The following KIF20B variants were observed in gnomAD, a reference collection of about 807,000 sequenced individuals.
KIF20B encodes the protein kinesin family member 20B, also known as kinesin-like protein KIF20B.
In KIF20B, 188 loss-of-function variants were observed where a neutral mutation model predicts 232.5. The observed-to-expected ratio is 0.81, with a 90% CI of 0.72 to 0.91. The LOEUF (loss-of-function observed/expected upper bound fraction) is 0.91, where lower values mean the gene tolerates loss of function less well. Ranked by LOEUF, KIF20B falls within the 40% of genes least tolerant of loss-of-function variation. The probability of loss-of-function intolerance (pLI) is 0.00; values close to 1 mark genes in which losing one functional copy is unlikely to be tolerated. For missense variants in KIF20B, 2,154 were observed against 2,055.9 expected (o/e 1.05, Z -0.92); for synonymous variants, 712 against 683.0 (o/e 1.04, Z -0.66).
intron 13 of KIF20B, among the ~76,000 whole-genome samples, chr10:89,720,576 A>T (rs1471018520): frequency 6.6e-6 from 1 of 152,246 alleles, no homozygotes; most frequent in Non-Finnish European, 1.5e-5. Context: ...ACAAGTGTTA[A>T]AAATATCTAC....
rs780022761 is a variant in KIF20B at position 89,758,738 on chromosome 10, T to C, written c.4536T>C (p.Asp1512=). ...EILTAQLTEK[D]SDLQKWREER... Reference sequence around the variant, plus strand: ...TGACAGCCCAGCTGACAGAGAAAGATAGTGACCTTCAAAAGTGGCGAGAAG... The same window carrying C: ...TGACAGCCCAGCTGACAGAGAAAGACAGTGACCTTCAAAAGTGGCGAGAAG... Residue 1512 remains aspartate, a synonymous_variant, in exon 27 of 33, where the codon GAT becomes GAC. Coordinates refer to ENST00000371728, the MANE Select transcript of KIF20B (RefSeq NM_001284259.2). The C allele has an allele frequency of 1.7e-5, 27 of 1,605,342 alleles. No individual in the cohort carries two copies. The highest frequency in any genetic ancestry group is 2.2e-5 in the Non-Finnish European group (26 of 1,176,322).
intron 22 of KIF20B, 50 bp from the exon 23 acceptor site, chr10:89,745,849 T>C (rs1841897935): frequency 8.2e-7 from 1 of 1,212,508 alleles, no homozygotes; most frequent in Admixed American, 1.7e-5. Context: ...CTGTTAAATA[T>C]TGTGTTTTTA....
chr10:89,716,704 C>T (rs1000002788), intron 9 of KIF20B, among the ~76,000 whole-genome samples, 157 bp downstream of exon 9: 1 of 152,104 alleles, frequency 6.6e-6, no homozygotes, highest in Non-Finnish European at 1.5e-5. Flanking sequence ...ACACTAAACA[C>T]GTTTATCAAT....
rs186627785 is a variant in KIF20B at position 89,774,293 on chromosome 10, T to A, written c.*245T>A. 1.5e-5 allele frequency: 4 copies of A among 270,902 alleles called. No homozygotes were observed. Among genetic ancestry groups the A allele is most frequent in the African/African-American group, 8.8e-5 (4 of 45,486 alleles). 16.8% of individuals were successfully genotyped at this position (270,902 alleles called of 1,614,324 possible). A position where few individuals can be genotyped will look rare whatever the true frequency, so the allele number is the denominator to read the frequency against. ...ATCTCAGACATTGGATCAGTGAAGA[T>A]CCTAGGAAAGAGGCTGTTATTCTCA... On this transcript the variant is annotated 3_prime_UTR_variant, in exon 33 of 33. Coordinates refer to ENST00000371728, the MANE Select transcript of KIF20B (RefSeq NM_001284259.2).
intron 6 of KIF20B, among the ~76,000 whole-genome samples, chr10:89,711,940 T>C (rs114623561): frequency 0.017 from 2,559 of 152,288 alleles, 89 homozygotes; most frequent in African/African-American, 0.058. Context: ...TTGGTGCTAA[T>C]TTTCCCAAAC....
chr10:89,721,230 A>G (rs1200584148), intron 13 of KIF20B, among the ~76,000 whole-genome samples: 3 of 152,240 alleles, frequency 2.0e-5, no homozygotes, highest in Non-Finnish European at 4.4e-5. Context: ...CCCTGAAAGC[A>G]ATTATTGAAC....
At chr10:89,724,215 C>T (rs1382832885) in intron 14 of KIF20B, 112 bp downstream of exon 14, 1 of 1,059,722 alleles carries the variant, frequency 9.4e-7, no homozygotes, top group Non-Finnish European at 1.3e-6. Flanking sequence ...ATTCTGATCT[C>T]TTTATACAAG....
At position 89,738,223 on chromosome 10, in the gene KIF20B, T is replaced by A. The variant is rs1301432885; in HGVS notation, c.3382T>A (p.Leu1128Met). Residue 1128 changes from leucine (L) to methionine (M), a missense_variant, in exon 20 of 33, where the codon TTG becomes ATG. Transcript: ENST00000371728. ...TCTTATACAGCAGCTGAAAGAAGAA[T>A]TGCAAGAAAAAAATGTTACTCTTGA... ...ETLIQQLKEE[L>M]QEKNVTLDVQ... The A allele has an allele frequency of 6.2e-7, 1 of 1,601,074 alleles. No individual in the cohort carries two copies. Among genetic ancestry groups the A allele is most frequent in the African/African-American group, 1.4e-5 (1 of 73,900 alleles).
At chr10:89,762,149 T>A (rs748691352) in intron 28 of KIF20B, among the ~76,000 whole-genome samples, 1 of 152,174 alleles carries the variant, frequency 6.6e-6, no homozygotes, top group Non-Finnish European at 1.5e-5. Flanking sequence ...GAAGTTGTAA[T>A]GCTTCTTATG....
chr10:89,746,011 C>G, intron 23 of KIF20B, 52 bp downstream of exon 23: 1 of 1,333,608 alleles, frequency 7.5e-7, no homozygotes, highest in Non-Finnish European at 1.1e-6. Flanking sequence ...TTATTCCCCT[C>G]GCAGGGCATG....
At chr10:89,744,929 A>G (rs1406737893) in intron 22 of KIF20B, among the ~76,000 whole-genome samples, 1 of 152,198 alleles carries the variant, frequency 6.6e-6, no homozygotes, top group East Asian at 1.9e-4. Context: ...TGAAGTTTGG[A>G]TTACATGATA....
intron 29 of KIF20B, 31 bp downstream of exon 29, chr10:89,762,866 G>C (rs1842275219): frequency 6.9e-7 from 1 of 1,451,294 alleles, no homozygotes; most frequent in Middle Eastern, 1.7e-4. Context: ...TAAATTTAAT[G>C]AACAAATCTT....
Position 89,770,816 on chromosome 10 carries a change from CT to C in KIF20B, c.5243-1872del, listed in dbSNP as rs1029654081. ...GTATCACTGGTCTCCCAGCTTGCCCCTCTTGTCATCTCCCATCCATTCATAC... is the reference window on the plus strand; with the variant it reads ...GTATCACTGGTCTCCCAGCTTGCCCCCTTGTCATCTCCCATCCATTCATAC... On this transcript the variant is annotated intron_variant, in intron 31 of 32. Transcript: ENST00000371728. Among the ~76,000 whole-genome samples the C allele has an allele frequency of 5.9e-5, 9 of 152,090 alleles. No homozygotes were observed. The South Asian group carries it at 8.3e-4, about 14-fold the overall frequency.
Position 89,744,660 on chromosome 10 carries a change from A to G in KIF20B, c.4035+733A>G, listed in dbSNP as rs1425937827. ...AAAAGGCAAAATCCCTTTATTGTATATGGTTATTTTTTGCTTGATATCAAC... is the reference window on the plus strand; with the variant it reads ...AAAAGGCAAAATCCCTTTATTGTATGTGGTTATTTTTTGCTTGATATCAAC... On this transcript the variant is annotated intron_variant, in intron 22 of 32. Transcript: ENST00000371728. Among the ~76,000 whole-genome samples, 3 of 152,186 alleles carry G rather than the reference A, an allele frequency of 2.0e-5. No homozygotes were observed. The East Asian group carries it at 5.8e-4, about 29-fold the overall frequency.
At chr10:89,762,010 T>G (rs1365783393) in intron 28 of KIF20B, among the ~76,000 whole-genome samples, 1 of 152,168 alleles carries the variant, frequency 6.6e-6, no homozygotes, top group Admixed American at 6.6e-5. Context: ...GGTAGTTGAT[T>G]CTGGGAATTC....
At chr10:89,744,913 TG>T (rs1177306614) in intron 22 of KIF20B, among the ~76,000 whole-genome samples, 1 of 152,216 alleles carries the variant, frequency 6.6e-6, no homozygotes, top group Admixed American at 6.5e-5. Flanking sequence ...TAGATGAGAT[TG>T]GGGGTGAAGT....
intron 5 of KIF20B, 41 bp from the exon 6 acceptor site, chr10:89,710,920 T>C: frequency 7.3e-6 from 11 of 1,516,806 alleles, no homozygotes; most frequent in Non-Finnish European, 9.8e-6. Context: ...TCCTCTTTCC[T>C]AGTAGACTGA....
At position 89,762,648 on chromosome 10, in the gene KIF20B, T is replaced by C. The variant is rs140933422; in HGVS notation, c.4802T>C (p.Val1601Ala). 60 of 1,611,902 alleles carry C rather than the reference T, an allele frequency of 3.7e-5. No individual in the cohort carries two copies. The highest frequency in any genetic ancestry group is 4.8e-5 in the Non-Finnish European group (57 of 1,178,310). Reference sequence around the variant, plus strand: ...TACATTCTGTTGTAGGATGGATCTGTAGTCCTTGACTCTTGTGAAGTGTCA... The same window carrying C: ...TACATTCTGTTGTAGGATGGATCTGCAGTCCTTGACTCTTGTGAAGTGTCA... ...ISRNKIEDGS[V>A]VLDSCEVSTE... is the part of the protein sequence containing the mutation. Residue 1601 changes from valine to alanine, a missense_variant, in exon 29 of 33, where the codon GTA becomes GCA. Physicochemically the swap from Val to Ala is moderately conservative, Grantham distance 64 (BLOSUM62 0). Coordinates refer to ENST00000371728, the MANE Select transcript of KIF20B (RefSeq NM_001284259.2).
intron 13 of KIF20B, among the ~76,000 whole-genome samples, chr10:89,720,646 A>T (rs929066343): frequency 2.0e-5 from 3 of 152,170 alleles, no homozygotes; most frequent in Admixed American, 2.0e-4. Context: ...TGTTATTATG[A>T]TAAATAAATA....
Sources: allele counts gnomAD v4.1 joint callset (sites outside exome capture counted in the v4.1 genomes callset), GRCh38; gene constraint gnomAD v4.1.1; transcripts MANE v1.5; gene names NCBI Gene and HGNC (gene_info 2026-07-23, HGNC 2026-07-21).